ABCC2: variants seen among roughly 807,000 people sequenced by gnomAD.
ABCC2 encodes ATP binding cassette subfamily C member 2, also known as ATP-binding cassette sub-family C member 2.
ABCC2 carries 157 observed loss-of-function variants against 173.4 expected under a neutral mutation model. That is an observed-to-expected ratio of 0.91 (90% CI 0.80 to 1.03). The LOEUF (loss-of-function observed/expected upper bound fraction) is 1.03. ABCC2 is among the 50% of genes least tolerant of loss of function. The probability of loss-of-function intolerance (pLI) is 0.00; values close to 1 mark genes in which losing one functional copy is unlikely to be tolerated. For synonymous variants in ABCC2, 657 were observed against 693.5 expected (o/e 0.95, Z 0.83); for missense variants, 1,822 against 1,852.3 (o/e 0.98, Z 0.30).
intron 19 of ABCC2, among the ~76,000 whole-genome samples, chr10:99,829,438 A>T (rs1474988481): frequency 8.7e-6 from 1 of 114,322 alleles, no homozygotes; most frequent in Non-Finnish European, 1.8e-5. Flanking sequence ...AGCTCTGAAA[A>T]AGTTGACTTT....
In ABCC2 at chr10:99,794,419, T is replaced by C; in HGVS notation, c.583T>C (p.Ser195Pro). Residue 195 changes from serine to proline, a missense_variant, in exon 6 of 32, where the codon TCA (serine) becomes CCA (proline). Coordinates refer to ENST00000647814, the MANE Select transcript of ABCC2 (RefSeq NM_000392.5). ...ATTTTTTTGTGTCTTTCAGAATCCA[T>C]CATCCATAGCTTCATTCCTGAGTAG... ...SENNESSNNP[S>P]SIASFLSSIT... is the part of the protein sequence containing the mutation. 1.2e-6 allele frequency: 2 copies of C among 1,613,974 alleles called. No individual in the cohort carries two copies. Among genetic ancestry groups the C allele is most frequent in the Non-Finnish European group, 1.7e-6 (2 of 1,179,866 alleles).
intron 16 of ABCC2, among the ~76,000 whole-genome samples, chr10:99,814,490 CAAACAT>C (rs1463044191): frequency 5.4e-5 from 7 of 129,820 alleles, no homozygotes; most frequent in Admixed American, 1.5e-4. Flanking sequence ...TACATACACA[CAAACAT>C]ATATGTGTGT....
chr10:99,784,525 G>A (rs1236568793), intron 1 of ABCC2, 83 bp from the exon 2 acceptor site: 16 of 1,405,024 alleles, frequency 1.1e-5, no homozygotes, highest in African/African-American at 1.4e-5. Context: ...TTTAAATTGT[G>A]TGAAAGCAGT....
chr10:99,834,436 C>G lies in ABCC2; in HGVS notation c.3315C>G (p.Cys1105Trp), dbSNP rs767201064. The G allele has an allele frequency of 6.2e-7, 1 of 1,614,052 alleles. No individual in the cohort carries two copies. Among genetic ancestry groups the G allele is most frequent in the African/African-American group, 1.3e-5 (1 of 74,932 alleles). Residue 1105 changes from cysteine to tryptophan, a missense_variant, in exon 24 of 32, where the codon TGC becomes TGG. Coordinates refer to ENST00000647814, the MANE Select transcript of ABCC2 (RefSeq NM_000392.5). The part of the protein sequence containing the change: ...LPQSLRSWIT[C>W]FLGIISTLVM... Reference sequence around the variant, plus strand: ...AGTCCTTGCGCAGCTGGATTACATGCTTCCTGGGGATAATCAGCACCCTTG... The same window carrying G: ...AGTCCTTGCGCAGCTGGATTACATGGTTCCTGGGGATAATCAGCACCCTTG...
intron 19 of ABCC2, among the ~76,000 whole-genome samples, chr10:99,823,565 T>C (rs2038576525): frequency 6.7e-6 from 1 of 148,506 alleles, no homozygotes; most frequent in South Asian, 2.2e-4. Context: ...CAACCAACTC[T>C]GCTCTTTGAG....
Position 99,851,733 on chromosome 10 carries a change from A to G in ABCC2, c.*102A>G. On this transcript the variant is annotated 3_prime_UTR_variant, in exon 32 of 32. Coordinates refer to ENST00000647814, the MANE Select transcript of ABCC2 (RefSeq NM_000392.5). ...ACATACAAAAGTGTGTATAAAATGT[A>G]CGTTTTAAAAAAGGATAAGTGAACA... 8.1e-7 allele frequency: 1 copy of G among 1,233,106 alleles called. No individual in the cohort carries two copies. The highest frequency in any genetic ancestry group is 1.1e-6 in the Non-Finnish European group (1 of 890,732). 76.4% of individuals were successfully genotyped at this position (1,233,106 alleles called of 1,614,324 possible). A position where few individuals can be genotyped will look rare whatever the true frequency, so the allele number is the denominator to read the frequency against.
chr10:99,820,958 G>A (rs555679382), intron 19 of ABCC2, among the ~76,000 whole-genome samples: 20 of 152,248 alleles, frequency 1.3e-4, no homozygotes, highest in Admixed American at 1.0e-3. Context: ...GGAGGATCCC[G>A]CCAGCCTCTG....
intron 10 of ABCC2, 57 bp from the exon 11 acceptor site, chr10:99,805,325 C>T: frequency 6.6e-7 from 1 of 1,523,468 alleles, no homozygotes; most frequent in Non-Finnish European, 9.1e-7. Context: ...CTGCAGCAAA[C>T]CTGAGCCCTC....
intron 23 of ABCC2, among the ~76,000 whole-genome samples, chr10:99,833,798 T>C (rs1245066170): frequency 6.6e-6 from 1 of 152,182 alleles, no homozygotes; most frequent in Non-Finnish European, 1.5e-5. Context: ...ATAGAATCAA[T>C]ATAATCCCCA....
At position 99,804,183 on chromosome 10, in the gene ABCC2, G is replaced by A; in HGVS notation, c.1374G>A (p.Glu458=). The change falls in exon 10 of 32, where the codon GAG becomes GAA. Residue 458 remains glutamate (E), a synonymous_variant. Coordinates refer to ENST00000647814, the MANE Select transcript of ABCC2 (RefSeq NM_000392.5). ...TATCTATCTTCTTCCTATGGAGAGA[G>A]TTGGGACCCTCAGTCTTAGCAGGTG... is the stretch of plus-strand genomic sequence containing the variant. ...IVLSIFFLWR[E]LGPSVLAGVG... 1.9e-6 allele frequency: 3 copies of A among 1,614,146 alleles called. No homozygotes were observed. The South Asian group carries it at 3.3e-5, about 18-fold the overall frequency.
At position 99,832,069 on chromosome 10, in the gene ABCC2, C is replaced by T. The variant is rs72558199; in HGVS notation, c.3196C>T (p.Arg1066Ter). The T allele has an allele frequency of 5.4e-4, 876 of 1,614,084 alleles. 1 individual carries two copies. The highest frequency in any genetic ancestry group is 6.4e-4 in the Non-Finnish European group (758 of 1,180,036). Residue 1066 changes from arginine to a stop codon, truncating the protein, a stop_gained, in exon 23 of 32, where the codon CGA becomes TGA. Transcript: ENST00000647814. LOFTEE classifies it high-confidence loss of function. The stretch of plus-strand genomic sequence containing the variant: ...CAAGCAACTGCTGAACAATATCCTT[C>T]GAGCACCTATGAGATTTTTTGACAC... ...LHKQLLNNIL[R>*]APMRFFDTTP...
intron 24 of ABCC2, among the ~76,000 whole-genome samples, chr10:99,834,809 G>A (rs116092893): frequency 2.2e-4 from 34 of 152,284 alleles, no homozygotes; most frequent in African/African-American, 6.7e-4. Flanking sequence ...ACAGATTTAC[G>A]TTTGGATCCA....
chr10:99,787,226 A>G (rs537215578), intron 2 of ABCC2, among the ~76,000 whole-genome samples: 64 of 152,128 alleles, frequency 4.2e-4, no homozygotes, highest in African/African-American at 1.5e-3. Context: ...ACCACAGTCA[A>G]TTTTAGAACA....
rs2037931362 is a variant in ABCC2 at position 99,797,210 on chromosome 10, A to G, written c.746A>G (p.Glu249Gly). ...VSKFETHMKR[E>G]LQKARRALQR... is the part of the protein sequence containing the mutation. ...AAGTTTGAAACGCACATGAAGAGAG[A>G]GCTGCAGAAAGCCAGGCGGGCACTC... The change falls in exon 7 of 32, where the codon GAG becomes GGG. Residue 249 changes from glutamate to glycine, a missense_variant. By Grantham distance (98) the Glu-to-Gly change is moderately conservative (BLOSUM62 -2). Transcript: ENST00000647814. 6.2e-7 allele frequency: 1 copy of G among 1,614,006 alleles called. No homozygotes were observed. Among genetic ancestry groups the G allele is most frequent in the South Asian group, 1.1e-5 (1 of 91,080 alleles).
At chr10:99,850,101 A>G (rs969282703) in intron 30 of ABCC2, among the ~76,000 whole-genome samples, 6 of 152,236 alleles carry the variant, frequency 3.9e-5, no homozygotes, top group African/African-American at 1.4e-4. Context: ...AAAATAATAA[A>G]TTGATTTGCT....
Position 99,807,017 on chromosome 10 carries a change from G to A in ABCC2, c.1531-367G>A, listed in dbSNP as rs151333390. ...AAGGTTCCCTTGCCTCTCTCAACTT[G>A]TTTCCTTATAGTTTAAATGAAGATA... On this transcript the variant is annotated intron_variant, in intron 11 of 31. Transcript: ENST00000647814. Among the ~76,000 whole-genome samples, 16 of 152,292 alleles carry A rather than the reference G, an allele frequency of 1.1e-4. No individual in the cohort carries two copies. In the East Asian group the frequency reaches 3.1e-3, roughly 29 times the overall value.
rs113023452 is a variant in ABCC2, at chr10:99,792,120, G to A, written c.208-114G>A. ...TCCATTCTTTCCAGAAATATTTATT[G>A]TGTTATCTGAATCACTGCATACCGC... On this transcript the variant is annotated intron_variant, in intron 2 of 31. Transcript: ENST00000647814. 1.5e-3 allele frequency: 1,996 copies of A among 1,297,272 alleles called. 20 individuals carry two copies. In the African/African-American group the frequency reaches 0.024, roughly 15 times the overall value. The allele number at this position is 1,297,272 out of a possible 1,614,324, so 80.4% of individuals were successfully genotyped here. A position where few individuals can be genotyped will look rare whatever the true frequency, so the allele number is the denominator to read the frequency against.
intron 19 of ABCC2, among the ~76,000 whole-genome samples, chr10:99,827,782 T>C (rs910150420): frequency 6.7e-6 from 1 of 150,046 alleles, no homozygotes; most frequent in Non-Finnish European, 1.5e-5. Context: ...ATAAGAGGCA[T>C]ATTTACTTTT....
intron 25 of ABCC2, among the ~76,000 whole-genome samples, chr10:99,839,240 A>AC (rs1157056619): frequency 1.3e-3 from 54 of 40,940 alleles, no homozygotes; most frequent in East Asian, 3.2e-3. Flanking sequence ...CGGGGGGCCG[A>AC]CCCCCCCACC....
Sources: gnomAD v4.1 joint callset for allele counts (sites outside exome capture counted in the v4.1 genomes callset) on GRCh38, gnomAD v4.1.1 for gene constraint, MANE v1.5 for transcripts, NCBI Gene and HGNC (gene_info 2026-07-23, HGNC 2026-07-21) for gene names.